WFDC2: variants seen among roughly 807,000 people sequenced by gnomAD.
WFDC2 encodes WAP four-disulfide core domain protein 2.
A neutral mutation model predicts 12.5 loss-of-function variants in WFDC2; 8 were observed. The ratio of observed to expected loss-of-function variants is 0.64; its 90% confidence interval spans 0.37 to 1.15. The LOEUF is 1.15. Ranked by LOEUF, WFDC2 falls within the 50% of genes most tolerant of loss-of-function variation. The pLI is 0.01. For synonymous variants in WFDC2, 74 were observed against 67.2 expected, an observed-to-expected ratio of 1.10 and a Z score of -0.49; for missense variants, 166 against 159.9, an observed-to-expected ratio of 1.04 and a Z score of -0.21.
intron 2 of WFDC2, among the ~76,000 whole-genome samples, chr20:45,474,229 G>A (rs1290209496): frequency 2.6e-5 from 4 of 152,182 alleles, no homozygotes; most frequent in Non-Finnish European, 5.9e-5. Flanking sequence ...AATAGGGGTG[G>A]TGAGAGAGAG....
chr20:45,476,712 T>A lies in WFDC2; in HGVS notation c.224-3230T>A, dbSNP rs554227398. Among the ~76,000 whole-genome samples, 12 of 152,354 alleles carry A rather than the reference T, an allele frequency of 7.9e-5. No individual in the cohort carries two copies. In the South Asian group the frequency reaches 2.3e-3, roughly 29 times the overall value. On this transcript the variant is annotated intron_variant, in intron 2 of 3. Coordinates refer to ENST00000372676, the MANE Select transcript of WFDC2 (RefSeq NM_006103.4). ...CTCTGTATTTCCTGAATTTGAATGTTGGCCTTTCTTGCTAGGTTGGGGAAG... is the reference window on the plus strand; with the variant it reads ...CTCTGTATTTCCTGAATTTGAATGTAGGCCTTTCTTGCTAGGTTGGGGAAG...
chr20:45,471,101 GC>G (rs1991166247), intron 2 of WFDC2: 1 of 470,590 alleles, frequency 2.1e-6, no homozygotes, highest in South Asian at 1.5e-5. Context: ...AGGTCACACC[GC>G]CATCCCATGG....
intron 2 of WFDC2, chr20:45,479,619 C>CAGTGGG (rs1210328955): frequency 6.5e-7 from 1 of 1,535,260 alleles, no homozygotes; most frequent in Admixed American, 1.7e-5. Context: ...ACTGCTTTCA[C>CAGTGGG]AACAACCCTA....
intron 2 of WFDC2, among the ~76,000 whole-genome samples, chr20:45,475,821 T>C (rs746975141): frequency 6.6e-6 from 1 of 152,242 alleles, no homozygotes; most frequent in Non-Finnish European, 1.5e-5. Context: ...AGTCTCTTTG[T>C]AGGTCTCTAA....
At chr20:45,478,611 C>T (rs1442284168) in intron 2 of WFDC2, among the ~76,000 whole-genome samples, 1 of 152,078 alleles carries the variant, frequency 6.6e-6, no homozygotes, top group Admixed American at 6.5e-5. Flanking sequence ...ATTCGGCCAT[C>T]TTGAAAGCTG....
At chr20:45,478,000 C>A (rs973197766) in intron 2 of WFDC2, among the ~76,000 whole-genome samples, 1 of 152,150 alleles carries the variant, frequency 6.6e-6, no homozygotes, top group South Asian at 2.1e-4. Context: ...TAATGGTGGA[C>A]GCCCCTCCCC....
chr20:45,470,724 G>C lies in WFDC2; in HGVS notation c.223+192G>C, dbSNP rs1724119145. 6.6e-6 allele frequency among the ~76,000 whole-genome samples: 1 copy of C among 152,130 alleles called. No homozygotes were observed. Among genetic ancestry groups the C allele is most frequent in the Non-Finnish European group, 1.5e-5 (1 of 67,990 alleles). ...GGGTAGACAAAGGCGTCGTTGAAAC[G>C]CAGCCAAGGGGGGGTCCCCACCCCT... is the stretch of plus-strand genomic sequence containing the variant. On this transcript the variant is annotated intron_variant, in intron 2 of 3. Coordinates refer to ENST00000372676, the MANE Select transcript of WFDC2 (RefSeq NM_006103.4). The surrounding 1 kb of genome is among the most constrained non-coding windows in gnomAD (Gnocchi z 5.4).
At chr20:45,478,369 A>G (rs1035599223) in intron 2 of WFDC2, among the ~76,000 whole-genome samples, 1 of 152,134 alleles carries the variant, frequency 6.6e-6, no homozygotes, top group African/African-American at 2.4e-5. Context: ...AGAGTGCACT[A>G]TTCCTCACGG....
chr20:45,471,561 G>A (rs1991172558), intron 2 of WFDC2: 1 of 155,276 alleles, frequency 6.4e-6, no homozygotes, highest in Non-Finnish European at 1.4e-5. Context: ...GTAAGTGGAG[G>A]GGGACTGGCA....
At chr20:45,472,891 G>C (rs1991190063) in intron 2 of WFDC2, among the ~76,000 whole-genome samples, 1 of 152,192 alleles carries the variant, frequency 6.6e-6, no homozygotes. Flanking sequence ...ATTCTAACTG[G>C]TGTGAGATGT....
At chr20:45,474,018 T>C (rs193143372) in intron 2 of WFDC2, among the ~76,000 whole-genome samples, 1 of 152,326 alleles carries the variant, frequency 6.6e-6, no homozygotes, top group African/African-American at 2.4e-5. Flanking sequence ...GTGATTTTTG[T>C]ACATTGATTT....
chr20:45,481,125 G>A (rs1991296164), intron 3 of WFDC2, among the ~76,000 whole-genome samples: 1 of 152,092 alleles, frequency 6.6e-6, no homozygotes, highest in African/African-American at 2.4e-5. Flanking sequence ...AGTATACCCA[G>A]GTGCCTGCTA....
chr20:45,477,966 G>A (rs1176577273), intron 2 of WFDC2, among the ~76,000 whole-genome samples: 1 of 152,172 alleles, frequency 6.6e-6, no homozygotes, highest in African/African-American at 2.4e-5. Flanking sequence ...TCTGTGAGGG[G>A]AAAACTGCCT....
chr20:45,470,590 T>C lies in WFDC2; in HGVS notation c.223+58T>C. On this transcript the variant is annotated intron_variant, in intron 2 of 3. Transcript: ENST00000372676. This position sits in a 1 kb window ranked among gnomAD's most constrained non-coding sequence, Gnocchi z 5.4. ...GGGGCCGCGCTGGGCTGGGAGGAGG[T>C]GGGAGGGCCCGGGTTCCGGGAACAG... is the stretch of plus-strand genomic sequence containing the variant. The C allele has an allele frequency of 6.7e-7, 1 of 1,501,162 alleles. No individual in the cohort carries two copies. The highest frequency in any genetic ancestry group is 8.9e-7 in the Non-Finnish European group (1 of 1,121,706). The allele number at this position is 1,501,162 out of a possible 1,614,324, so 93.0% of individuals were successfully genotyped here.
At position 45,479,996 on chromosome 20, in the gene WFDC2, G is replaced by A. The variant is rs760690414; in HGVS notation, c.278G>A (p.Cys93Tyr). ...ATTAACTTTCCCCAGCTCGGCCTCT[G>A]TCGGGACCAGTGCCAGGTGGACAGC... is the stretch of plus-strand genomic sequence containing the variant. Reference protein sequence around the residue: ...VNINFPQLGLCRDQCQVDSQC... With the variant: ...VNINFPQLGLYRDQCQVDSQC... Residue 93 changes from cysteine (C) to tyrosine (Y), a missense_variant, in exon 3 of 4, where the codon TGT becomes TAT. Cys to Tyr is a radical substitution (Grantham distance 194). Coordinates refer to ENST00000372676, the MANE Select transcript of WFDC2 (RefSeq NM_006103.4). 1 of 1,614,208 alleles carries A rather than the reference G, an allele frequency of 6.2e-7. No individual in the cohort carries two copies. The highest frequency in any genetic ancestry group is 8.5e-7 in the Non-Finnish European group (1 of 1,180,038).
In WFDC2 at chr20:45,480,013, G is replaced by A. The variant is rs755594919; in HGVS notation, c.295G>A (p.Val99Met). 18 of 1,614,112 alleles carry A rather than the reference G, an allele frequency of 1.1e-5. No homozygotes were observed. The highest frequency in any genetic ancestry group is 3.4e-6 in the Non-Finnish European group (4 of 1,180,042). Residue 99 changes from valine (V) to methionine (M), a missense_variant, in exon 3 of 4, where the codon GTG (valine) becomes ATG (methionine). Transcript: ENST00000372676. ...CGGCCTCTGTCGGGACCAGTGCCAGGTGGACAGCCAGTGTCCTGGCCAGAT... is the reference window on the plus strand; with the variant it reads ...CGGCCTCTGTCGGGACCAGTGCCAGATGGACAGCCAGTGTCCTGGCCAGAT... Reference protein sequence around the residue: ...QLGLCRDQCQVDSQCPGQMKC... With the variant: ...QLGLCRDQCQMDSQCPGQMKC...
At chr20:45,472,541 C>T (rs1991185355) in intron 2 of WFDC2, among the ~76,000 whole-genome samples, 1 of 151,600 alleles carries the variant, frequency 6.6e-6, no homozygotes, top group Non-Finnish European at 1.5e-5. Context: ...GGGTTGGTTC[C>T]AAGTCTTTGC....
Position 45,470,671 on chromosome 20 carries a change from C to A in WFDC2, c.223+139C>A. The A allele has an allele frequency of 3.3e-6, 4 of 1,217,114 alleles. No individual in the cohort carries two copies. The highest frequency in any genetic ancestry group is 2.9e-4 in the Middle Eastern group (1 of 3,502). 75.4% of individuals were successfully genotyped at this position (1,217,114 alleles called of 1,614,324 possible). On this transcript the variant is annotated intron_variant, in intron 2 of 3. Coordinates refer to ENST00000372676, the MANE Select transcript of WFDC2 (RefSeq NM_006103.4). This position sits in a 1 kb window ranked among gnomAD's most constrained non-coding sequence, Gnocchi z 5.4. ...AAGTCAAGGCGGTTGAAACCAGATC[C>A]GTCAGTCCTCTCCCTCGCACGGCCC...
Position 45,470,850 on chromosome 20 carries a change from C to G in WFDC2, c.223+318C>G, listed in dbSNP as rs1433458309. Among the ~76,000 whole-genome samples the G allele has an allele frequency of 6.6e-6, 1 of 152,158 alleles. No individual in the cohort carries two copies. The highest frequency in any genetic ancestry group is 1.5e-5 in the Non-Finnish European group (1 of 67,996). On this transcript the variant is annotated intron_variant, in intron 2 of 3. Transcript: ENST00000372676. The surrounding 1 kb of genome is among the most constrained non-coding windows in gnomAD (Gnocchi z 5.4). Reference sequence around the variant, plus strand: ...GGACCCGGGGCCGCAGTTTCCTTCTCGAACCGGCCGAAGCCTGCCCTGCGG... The same window carrying G: ...GGACCCGGGGCCGCAGTTTCCTTCTGGAACCGGCCGAAGCCTGCCCTGCGG...
Sources: allele counts gnomAD v4.1 joint callset (sites outside exome capture counted in the v4.1 genomes callset), GRCh38; gene constraint gnomAD v4.1.1; non-coding constraint Gnocchi (gnomAD v3.1); transcripts MANE v1.5; gene names NCBI Gene and HGNC (gene_info 2026-07-23, HGNC 2026-07-21).